The following ADGRL2 variants were observed in gnomAD, a reference collection of about 807,000 sequenced individuals.
The protein encoded by ADGRL2 is calcium-independent alpha-latrotoxin receptor 2.
Under a neutral mutation model 157.4 loss-of-function variants are expected in ADGRL2, and 44 were observed. That is an observed-to-expected ratio of 0.28 (90% confidence interval 0.22 to 0.36). The LOEUF (loss-of-function observed/expected upper bound fraction) is 0.36. Ranked by LOEUF, ADGRL2 falls within the 10% of genes least tolerant of loss-of-function variation. The pLI is 1.00. For missense variants in ADGRL2, 1,510 were observed against 1,768.9 expected, an observed-to-expected ratio of 0.85 and a Z score of 2.63; for synonymous variants, 585 against 624.7, an observed-to-expected ratio of 0.94 and a Z score of 0.95.
At chr1:81,323,411 ATT>A (rs138358062) in intron 1 of ADGRL2, among the ~76,000 whole-genome samples, 20,234 of 109,310 alleles carry the variant, frequency 0.19, 946 homozygotes, top group Middle Eastern at 0.26. Flanking sequence ...GACTAATTCA[ATT>A]TTTTTTTTTT....
At chr1:81,383,290 T>C (rs2076374416) in intron 1 of ADGRL2, among the ~76,000 whole-genome samples, 1 of 152,158 alleles carries the variant, frequency 6.6e-6, no homozygotes, top group South Asian at 2.1e-4. Flanking sequence ...CACTGAAACA[T>C]CTCACTTAAA....
intron 2 of ADGRL2, among the ~76,000 whole-genome samples, chr1:81,467,606 T>C (rs1250552794): frequency 6.6e-6 from 1 of 152,162 alleles, no homozygotes; most frequent in Non-Finnish European, 1.5e-5. Context: ...AACTCCATTG[T>C]GCGGTTAGAT....
intron 3 of ADGRL2, among the ~76,000 whole-genome samples, chr1:81,622,012 T>C (rs1046897688): frequency 4.6e-5 from 7 of 152,150 alleles, no homozygotes; most frequent in African/African-American, 7.2e-5. Context: ...CAGTTATCAT[T>C]TGAAGTCCTA....
chr1:81,500,483 A>G (rs1297604322), intron 2 of ADGRL2, among the ~76,000 whole-genome samples: 1 of 152,256 alleles, frequency 6.6e-6, no homozygotes, highest in Admixed American at 6.5e-5. Context: ...AAAGGAATAA[A>G]ATTCTGACCC....
intron 3 of ADGRL2, among the ~76,000 whole-genome samples, chr1:81,587,322 T>C (rs1239492133): frequency 6.6e-6 from 1 of 152,130 alleles, no homozygotes; most frequent in African/African-American, 2.4e-5. Context: ...GAGTTATTAA[T>C]ACCTCTTTGA....
chr1:81,547,791 G>A (rs2080053631), intron 2 of ADGRL2, among the ~76,000 whole-genome samples: 1 of 152,152 alleles, frequency 6.6e-6, no homozygotes, highest in South Asian at 2.1e-4. Flanking sequence ...ATGTGCTTGG[G>A]AGGTAGAAGT....
intron 2 of ADGRL2, among the ~76,000 whole-genome samples, chr1:81,535,096 T>G (rs1415415171): frequency 6.6e-6 from 1 of 152,170 alleles, no homozygotes; most frequent in Non-Finnish European, 1.5e-5. Context: ...ACTGAGCTGT[T>G]GTTTAGTACT....
intron 2 of ADGRL2, among the ~76,000 whole-genome samples, chr1:81,872,422 G>A (rs1177885705): frequency 1.3e-5 from 2 of 151,960 alleles, no homozygotes; most frequent in African/African-American, 4.8e-5. Flanking sequence ...TTATTGTCTA[G>A]TCAAATGGTA....
At chr1:81,820,906 A>G (rs182780450) in intron 1 of ADGRL2, among the ~76,000 whole-genome samples, 1 of 152,260 alleles carries the variant, frequency 6.6e-6, no homozygotes, top group East Asian at 1.9e-4. Context: ...CATGGCCTAT[A>G]ATCCCTGCCC....
At chr1:81,666,732 G>C (rs1312453900) in intron 3 of ADGRL2, among the ~76,000 whole-genome samples, 1 of 152,162 alleles carries the variant, frequency 6.6e-6, no homozygotes, top group Non-Finnish European at 1.5e-5. Flanking sequence ...CTCCTGGAAA[G>C]CCTCACCATG....
chr1:81,394,084 T>A (rs1265668101), intron 1 of ADGRL2, among the ~76,000 whole-genome samples: 1 of 152,050 alleles, frequency 6.6e-6, no homozygotes, highest in African/African-American at 2.4e-5. Context: ...TAGTTGCCTG[T>A]TTTTAAAAAA....
In ADGRL2 at chr1:81,427,221, G is replaced by A. The variant is rs529329020; in HGVS notation, c.-301-17815G>A. The A allele has an allele frequency of 7.0e-5, 55 of 783,290 alleles. 3 individuals carry two copies. In the South Asian group the frequency reaches 7.1e-4, roughly 10 times the overall value. 48.5% of individuals were successfully genotyped at this position (783,290 alleles called of 1,614,324 possible). A position where few individuals can be genotyped will look rare whatever the true frequency, so the allele number is the denominator to read the frequency against. On this transcript the variant is annotated intron_variant, in intron 1 of 24. Transcript: ENST00000370721. ...CATGGTGGCAACTTTGGTGGAAGAGGAGGCTATGCTGGTGGAGGTGGTGGC... is the reference window on the plus strand; with the variant it reads ...CATGGTGGCAACTTTGGTGGAAGAGAAGGCTATGCTGGTGGAGGTGGTGGC...
chr1:81,690,653 A>G (rs1162823273), intron 3 of ADGRL2, among the ~76,000 whole-genome samples: 1 of 152,170 alleles, frequency 6.6e-6, no homozygotes, highest in African/African-American at 2.4e-5. Flanking sequence ...TAATATTCCT[A>G]GTTAAAAATC....
At chr1:81,478,795 G>A (rs1210416027) in intron 2 of ADGRL2, among the ~76,000 whole-genome samples, 1 of 151,930 alleles carries the variant, frequency 6.6e-6, no homozygotes, top group Non-Finnish European at 1.5e-5. Context: ...TTGTTGATCA[G>A]TGTAAGTTAT....
chr1:81,845,632 T>C (rs1166435997), intron 2 of ADGRL2, among the ~76,000 whole-genome samples: 1 of 152,004 alleles, frequency 6.6e-6, no homozygotes, highest in Non-Finnish European at 1.5e-5. Flanking sequence ...TATGAACTTT[T>C]TGTACACTGC....
In ADGRL2 at chr1:81,907,150, C is replaced by T. The variant is rs756734698; in HGVS notation, c.207C>T (p.Asp69=). The T allele has an allele frequency of 1.2e-6, 2 of 1,613,944 alleles. No homozygotes were observed. Among genetic ancestry groups the T allele is most frequent in the Middle Eastern group, 1.6e-4 (1 of 6,084 alleles). Reference sequence around the variant, plus strand: ...GCGCTAACTATGGTCGGACGGATGACAAGATTTGTGATGCTGACCCATTTC... The same window carrying T: ...GCGCTAACTATGGTCGGACGGATGATAAGATTTGTGATGCTGACCCATTTC... ...IESANYGRTD[D]KICDADPFQM... The change falls in exon 3 of 24, where the codon GAC becomes GAT. Residue 69 remains aspartate (D), a synonymous_variant. Coordinates refer to ENST00000686636, the MANE Select transcript of ADGRL2 (RefSeq NM_001366006.2).
chr1:81,771,902 C>A (rs189314348), intron 2 of ADGRL2, among the ~76,000 whole-genome samples: 15 of 152,070 alleles, frequency 9.9e-5, no homozygotes, highest in African/African-American at 3.6e-4. Context: ...CCTTTTTTTG[C>A]CCTTTTGCTT....
intron 1 of ADGRL2, chr1:81,721,573 T>G (rs1041363971): frequency 5.9e-6 from 3 of 506,160 alleles, no homozygotes; most frequent in African/African-American, 2.0e-5. Context: ...CTAGGCAACA[T>G]GGCAAACCCC....
At chr1:81,842,453 G>C (rs918205094) in intron 2 of ADGRL2, among the ~76,000 whole-genome samples, 6 of 146,662 alleles carry the variant, frequency 4.1e-5, no homozygotes, top group African/African-American at 1.5e-4. Flanking sequence ...CACCTCCCGG[G>C]TTCAAGGGAT....
Sources: gnomAD v4.1 joint callset for allele counts (sites outside exome capture counted in the v4.1 genomes callset) on GRCh38, gnomAD v4.1.1 for gene constraint, MANE v1.5 for transcripts, NCBI Gene and HGNC (gene_info 2026-07-23, HGNC 2026-07-21) for gene names.